NAV3: variants seen among roughly 807,000 people sequenced by gnomAD.
The protein encoded by NAV3 is pore membrane and/or filament interacting like protein 1.
Under a neutral mutation model 244.7 loss-of-function variants are expected in NAV3, and 87 were observed. That is an observed-to-expected ratio of 0.36 (90% CI 0.30 to 0.42). The LOEUF (loss-of-function observed/expected upper bound fraction) is 0.42. Ranked by LOEUF, NAV3 falls within the 20% of genes least tolerant of loss-of-function variation. The probability of loss-of-function intolerance (pLI) is 1.00; values close to 1 mark genes in which losing one functional copy is unlikely to be tolerated. For missense variants in NAV3, 2,663 were observed against 2,893.3 expected, an observed-to-expected ratio of 0.92 and a Z score of 1.83; for synonymous variants, 1,126 against 1,042.2, an observed-to-expected ratio of 1.08 and a Z score of -1.55.
rs1033634649 is a variant in NAV3, at chr12:77,620,018, C to T, written c.72+47752C>T. Reference sequence around the variant, plus strand: ...TTCTATTGACCAAATTGCAAACAAACAGATTTTCTTCATTGTAAAATTAAG... The same window carrying T: ...TTCTATTGACCAAATTGCAAACAAATAGATTTTCTTCATTGTAAAATTAAG... On this transcript the variant is annotated intron_variant, in intron 2 of 8. Coordinates refer to the NAV3 transcript ENST00000550042. 2.0e-5 allele frequency among the ~76,000 whole-genome samples: 3 copies of T among 152,090 alleles called. No homozygotes were observed. The East Asian group carries it at 5.8e-4, about 29-fold the overall frequency.
At chr12:77,850,019 G>C (rs114941404) in intron 1 of NAV3, among the ~76,000 whole-genome samples, 1 of 152,118 alleles carries the variant, frequency 6.6e-6, no homozygotes, top group South Asian at 2.1e-4. Flanking sequence ...TTCTACGCCC[G>C]TGTCCTAAGC....
intron 2 of NAV3, among the ~76,000 whole-genome samples, chr12:77,662,815 A>T (rs1049928089): frequency 5.3e-5 from 8 of 152,124 alleles, no homozygotes; most frequent in African/African-American, 1.9e-4. Flanking sequence ...AGAACACAGA[A>T]ATTGACAATT....
chr12:77,828,295 T>C (rs1356420675), upstream of NAV3, among the ~76,000 whole-genome samples: 1 of 152,156 alleles, frequency 6.6e-6, no homozygotes, highest in African/African-American at 2.4e-5. Flanking sequence ...AAGAAGACCC[T>C]CACCACATAT....
intron 1 of NAV3, among the ~76,000 whole-genome samples, chr12:77,874,578 C>T (rs1881568160): frequency 6.6e-6 from 1 of 151,730 alleles, no homozygotes. Flanking sequence ...ACTTGCATTG[C>T]TTTATTACTA....
chr12:77,682,909 T>C (rs2137121466), intron 2 of NAV3, among the ~76,000 whole-genome samples: 1 of 152,258 alleles, frequency 6.6e-6, no homozygotes, highest in Non-Finnish European at 1.5e-5. Context: ...ATATTTTGGA[T>C]GTTAATCTGT....
At chr12:78,103,834 A>G in intron 12 of NAV3, among the ~76,000 whole-genome samples, 1 of 152,222 alleles carries the variant, frequency 6.6e-6, no homozygotes, top group Middle Eastern at 3.2e-3. Flanking sequence ...ATCTCCAACC[A>G]GGTGCCTCCC....
chr12:77,662,897 A>T (rs1873530602), intron 2 of NAV3, among the ~76,000 whole-genome samples: 1 of 152,142 alleles, frequency 6.6e-6, no homozygotes, highest in Non-Finnish European at 1.5e-5. Flanking sequence ...TTTTCCCCAG[A>T]GGATGAGTAT....
upstream of NAV3, among the ~76,000 whole-genome samples, chr12:77,830,264 A>G (rs987573537): frequency 4.6e-5 from 7 of 152,160 alleles, no homozygotes; most frequent in African/African-American, 1.7e-4. Flanking sequence ...CTTGAATAAC[A>G]GTGTTATTTT....
chr12:77,694,087 T>C (rs1875169128), intron 2 of NAV3, among the ~76,000 whole-genome samples: 2 of 152,046 alleles, frequency 1.3e-5, no homozygotes, highest in South Asian at 4.2e-4. Flanking sequence ...TTCCTATATA[T>C]CTCTATTTTC....
chr12:77,760,297 C>T (rs1869397935), intron 2 of NAV3, among the ~76,000 whole-genome samples: 1 of 152,164 alleles, frequency 6.6e-6, no homozygotes, highest in South Asian at 2.1e-4. Context: ...AATATCTTGG[C>T]CTTGGTACCA....
chr12:77,827,075 A>G (rs557465796), upstream of NAV3, among the ~76,000 whole-genome samples: 14 of 152,174 alleles, frequency 9.2e-5, no homozygotes, highest in African/African-American at 2.4e-4. Flanking sequence ...GCTACTAAAA[A>G]TACAAAAATT....
chr12:77,939,175 A>G (rs1434308881), intron 1 of NAV3, among the ~76,000 whole-genome samples: 1 of 152,156 alleles, frequency 6.6e-6, no homozygotes, highest in Non-Finnish European at 1.5e-5. Flanking sequence ...TTTAGTGTTC[A>G]TAACTATAAA....
chr12:78,091,166 C>T (rs300488), intron 12 of NAV3, among the ~76,000 whole-genome samples: 148,154 of 152,242 alleles, frequency 0.97, 72,217 homozygotes, highest in East Asian at 1. Context: ...TAATGTGCGA[C>T]TAAGGGTTCA....
Position 78,167,509 on chromosome 12 carries a change from G to A in NAV3, c.4870-1246G>A, listed in dbSNP as rs201252574. Among the ~76,000 whole-genome samples, 6 of 148,226 alleles carry A rather than the reference G, an allele frequency of 4.0e-5. No individual in the cohort carries two copies. In the East Asian group the frequency reaches 1.0e-3, roughly 25 times the overall value. ...CCAAACTTGGATATCACTTCAATTA[G>A]CATCATCTTTTTTTTTTTTTAAAGT... On this transcript the variant is annotated intron_variant, in intron 23 of 39. Coordinates refer to ENST00000397909, the MANE Select transcript of NAV3 (RefSeq NM_001024383.2).
chr12:78,143,385 CTT>C (rs1565715073), intron 20 of NAV3: 1 of 449,354 alleles, frequency 2.2e-6, no homozygotes. Context: ...AATCTCAACA[CTT>C]TGGGAGGCTG....
At chr12:78,197,161 C>CA in intron 34 of NAV3, 86 bp from the exon 35 acceptor site, 1 of 1,019,300 alleles carries the variant, frequency 9.8e-7, no homozygotes, top group Non-Finnish European at 1.3e-6. Context: ...GAATAGAGGA[C>CA]AAAGAGTGCT....
chr12:77,877,704 CATA>C (rs1490285892), intron 1 of NAV3, among the ~76,000 whole-genome samples: 12 of 152,036 alleles, frequency 7.9e-5, no homozygotes, highest in Non-Finnish European at 1.6e-4. Context: ...AGGAGGGGAG[CATA>C]ATAACTCCCT....
At chr12:77,832,050 A>T (rs575988712) in intron 1 of NAV3, among the ~76,000 whole-genome samples, 1 of 152,332 alleles carries the variant, frequency 6.6e-6, no homozygotes, top group East Asian at 1.9e-4. Context: ...TCCATACTGC[A>T]ATGTATGAAA....
At chr12:77,777,081 C>T (rs1870398559) in intron 2 of NAV3, among the ~76,000 whole-genome samples, 2 of 152,156 alleles carry the variant, frequency 1.3e-5, no homozygotes, top group Non-Finnish European at 1.5e-5. Context: ...AAACTAGTCT[C>T]GCTTTATCTG....
Sources: allele counts gnomAD v4.1 joint callset (sites outside exome capture counted in the v4.1 genomes callset), GRCh38; gene constraint gnomAD v4.1.1; transcripts MANE v1.5; gene names NCBI Gene and HGNC (gene_info 2026-07-23, HGNC 2026-07-21).